GPHN: variants seen among roughly 807,000 people sequenced by gnomAD.
GPHN encodes the protein gephyrin.
GPHN carries 17 observed loss-of-function variants against 95.5 expected under a neutral mutation model. The ratio of observed to expected loss-of-function variants is 0.18; its 90% confidence interval spans 0.12 to 0.27. GPHN has a LOEUF of 0.27. Among genes scored for constraint, GPHN ranks in the 10% least tolerant of loss-of-function variants. The pLI, the probability that GPHN is intolerant of heterozygous loss-of-function variation, is 1.00. For missense variants in GPHN, 660 were observed against 978.1 expected, an observed-to-expected ratio of 0.67 and a Z score of 4.34; for synonymous variants, 320 against 322.5, an observed-to-expected ratio of 0.99 and a Z score of 0.08.
chr14:66,713,150 T>A (rs1021163125), intron 2 of GPHN, among the ~76,000 whole-genome samples: 2 of 152,222 alleles, frequency 1.3e-5, no homozygotes, highest in Non-Finnish European at 1.5e-5. Flanking sequence ...AAAAGCTCTT[T>A]ACCAGCTATG....
At chr14:66,927,934 G>A (rs1262599474) in intron 8 of GPHN, among the ~76,000 whole-genome samples, 4 of 152,082 alleles carry the variant, frequency 2.6e-5, no homozygotes, top group Non-Finnish European at 5.9e-5. Context: ...TCTGAATTTG[G>A]TGTACTAGCA....
rs527732587 is a variant in GPHN at position 66,963,431 on chromosome 14, C to G, written c.829-1760C>G. 7.2e-5 allele frequency among the ~76,000 whole-genome samples: 11 copies of G among 152,018 alleles called. No individual in the cohort carries two copies. In the South Asian group the frequency reaches 2.1e-3, roughly 29 times the overall value. On this transcript the variant is annotated intron_variant, in intron 8 of 22. Transcript: ENST00000478722. ...GACATAAAATAGTAGCAAAACAGTT[C>G]CATCATGACAGTGCATTCTCATATG...
the GPHN span, among the ~76,000 whole-genome samples, chr14:67,457,012 T>A: frequency 6.6e-6 from 1 of 152,046 alleles, no homozygotes; most frequent in Non-Finnish European, 1.5e-5. Context: ...TTATCCTGAG[T>A]GAATTAATGC....
At chr14:66,794,999 C>G (rs2060105702) in intron 3 of GPHN, among the ~76,000 whole-genome samples, 1 of 152,076 alleles carries the variant, frequency 6.6e-6, no homozygotes, top group Admixed American at 6.5e-5. Context: ...CCCAGCTTCT[C>G]TGGAGGCTGA....
chr14:66,994,152 G>C (rs2071615269), intron 9 of GPHN, among the ~76,000 whole-genome samples: 1 of 152,180 alleles, frequency 6.6e-6, no homozygotes, highest in East Asian at 1.9e-4. Context: ...GGTCACCTGA[G>C]GTCAGGAGTT....
At chr14:66,657,953 A>C (rs1265352503) in intron 1 of GPHN, among the ~76,000 whole-genome samples, 1 of 152,182 alleles carries the variant, frequency 6.6e-6, no homozygotes, top group Non-Finnish European at 1.5e-5. Flanking sequence ...TAGCTGCCAT[A>C]GATAGGGATT....
At chr14:66,694,039 A>G (rs2067957659) in intron 2 of GPHN, among the ~76,000 whole-genome samples, 1 of 152,128 alleles carries the variant, frequency 6.6e-6, no homozygotes, top group South Asian at 2.1e-4. Context: ...CCAGAAATAG[A>G]CCCATATAAA....
intron 8 of GPHN, among the ~76,000 whole-genome samples, chr14:66,951,214 T>C (rs995963627): frequency 6.6e-6 from 1 of 151,910 alleles, no homozygotes; most frequent in Non-Finnish European, 1.5e-5. Flanking sequence ...GGTGTGCGTG[T>C]GTTTAATTAA....
chr14:67,243,201 T>G, the GPHN span, among the ~76,000 whole-genome samples: 1 of 152,124 alleles, frequency 6.6e-6, no homozygotes, highest in African/African-American at 2.4e-5. Flanking sequence ...TTCTTTTTTT[T>G]TTTGTGAGAC....
chr14:67,615,668 C>T, the GPHN span: 2 of 524,998 alleles, frequency 3.8e-6, no homozygotes, highest in African/African-American at 1.9e-5. Flanking sequence ...CAATTTGAAG[C>T]TATGGCAAGG....
intron 4 of GPHN, among the ~76,000 whole-genome samples, chr14:66,870,656 C>T (rs1231112993): frequency 9.9e-5 from 15 of 152,056 alleles, no homozygotes; most frequent in Middle Eastern, 3.2e-3. Flanking sequence ...AAGAGTAGGA[C>T]AGAGAAAAAT....
chr14:67,327,718 T>C, the GPHN span, among the ~76,000 whole-genome samples: 28,975 of 151,766 alleles, frequency 0.19, 4,448 homozygotes, highest in East Asian at 0.48. Context: ...CAGTTCCCAC[T>C]TATGAGTGAG....
At chr14:66,819,536 A>G (rs911729062) in intron 3 of GPHN, among the ~76,000 whole-genome samples, 1 of 152,118 alleles carries the variant, frequency 6.6e-6, no homozygotes, top group Non-Finnish European at 1.5e-5. Context: ...TTGTGCCAAT[A>G]TCATGCTGTT....
chr14:67,687,027 C>T, the GPHN span, among the ~76,000 whole-genome samples: 1 of 152,168 alleles, frequency 6.6e-6, no homozygotes, highest in Non-Finnish European at 1.5e-5. Context: ...AAACCTGGTT[C>T]TTGCAGTGTT....
At chr14:67,195,829 C>T in the GPHN span, among the ~76,000 whole-genome samples, 7 of 151,860 alleles carry the variant, frequency 4.6e-5, no homozygotes, top group African/African-American at 9.7e-5. Context: ...CTGCCATCTC[C>T]GCCTCCCGGG....
chr14:67,631,498 C>T, the GPHN span, among the ~76,000 whole-genome samples: 4 of 139,900 alleles, frequency 2.9e-5, no homozygotes, highest in Admixed American at 7.6e-5. Flanking sequence ...TACAGTGGTA[C>T]GATCTCAGCT....
intron 11 of GPHN, among the ~76,000 whole-genome samples, chr14:67,082,514 T>C (rs1864955478): frequency 6.6e-6 from 1 of 152,182 alleles, no homozygotes; most frequent in Admixed American, 6.6e-5. Context: ...GCCAGTACCA[T>C]ACTGTTTTGA....
chr14:67,403,083 G>T, the GPHN span, among the ~76,000 whole-genome samples: 1 of 152,168 alleles, frequency 6.6e-6, no homozygotes, highest in Non-Finnish European at 1.5e-5. Context: ...ACCAGAATTT[G>T]TATTTGCCTG....
At chr14:67,211,076 G>A in the GPHN span, among the ~76,000 whole-genome samples, 1 of 152,100 alleles carries the variant, frequency 6.6e-6, no homozygotes, top group Non-Finnish European at 1.5e-5. Flanking sequence ...TATCTCATTA[G>A]CTCTATGATC....
Sources: gnomAD v4.1 joint callset for allele counts (sites outside exome capture counted in the v4.1 genomes callset) on GRCh38, gnomAD v4.1.1 for gene constraint, MANE v1.5 for transcripts, NCBI Gene and HGNC (gene_info 2026-07-23, HGNC 2026-07-21) for gene names.